TACC3: variants seen among roughly 807,000 people sequenced by gnomAD.
The protein encoded by TACC3 is transforming acidic coiled-coil containing protein 3.
In TACC3, 52 loss-of-function variants were observed where a neutral mutation model predicts 86.0. That is an observed-to-expected ratio of 0.60 (90% CI 0.48 to 0.76). The LOEUF (loss-of-function observed/expected upper bound fraction) is 0.76, where lower values mean the gene tolerates loss of function less well. TACC3 is among the 30% of genes least tolerant of loss of function. TACC3 has a pLI of 0.00. For missense variants in TACC3, 1,120 were observed against 1,070.4 expected, an observed-to-expected ratio of 1.05 and a Z score of -0.65; for synonymous variants, 512 against 430.0, an observed-to-expected ratio of 1.19 and a Z score of -2.36.
Position 1,737,267 on chromosome 4 carries a change from C to A in TACC3, c.1775C>A (p.Ser592Ter). 1 of 1,614,134 alleles carries A rather than the reference C, an allele frequency of 6.2e-7. No individual in the cohort carries two copies. Among genetic ancestry groups the A allele is most frequent in the Non-Finnish European group, 8.5e-7 (1 of 1,180,030 alleles). The change falls in exon 9 of 16, where the codon TCA (serine) becomes TAA (stop). Residue 592 changes from serine to a stop codon, truncating the protein, a stop_gained. Transcript: ENST00000313288. LOFTEE classifies it high-confidence loss of function. The part of the protein sequence containing the change: ...SSMHGANETP[S>*]GRPREAKLVE... ...ATGCACGGTGCAAATGAGACTCCCT[C>A]AGGACGTCCGCGGGAAGCCAAGCTT...
chr4:1,736,628 G>A (rs1718279255), intron 8 of TACC3, among the ~76,000 whole-genome samples: 1 of 152,046 alleles, frequency 6.6e-6, no homozygotes, highest in African/African-American at 2.4e-5. Flanking sequence ...CTAACACATG[G>A]CCGGGCGCAG....
At chr4:1,739,240 G>A (rs961059919) in intron 10 of TACC3, 6 of 155,990 alleles carry the variant, frequency 3.8e-5, no homozygotes, top group Non-Finnish European at 8.5e-5. Context: ...CCCGGGAGGC[G>A]GAGCTTGCAG....
chr4:1,728,893 CG>C lies in TACC3; in HGVS notation c.1385+109del, dbSNP rs139035253. Reference sequence around the variant, plus strand: ...GTGTCATCAGATACTCCTTTGAGGCCGGGTAGGTTCTGCCTGAGGAGGGGCC... The same window carrying C: ...GTGTCATCAGATACTCCTTTGAGGCCGGTAGGTTCTGCCTGAGGAGGGGCC... On this transcript the variant is annotated intron_variant, in intron 4 of 15. Coordinates refer to ENST00000313288, the MANE Select transcript of TACC3 (RefSeq NM_006342.3). 5.0e-3 allele frequency: 5,855 copies of C among 1,170,470 alleles called. 242 individuals are homozygous for C. The African/African-American group carries it at 0.081, about 16-fold the overall frequency. The allele number at this position is 1,170,470 out of a possible 1,614,324, so 72.5% of individuals were successfully genotyped here. A position where few individuals can be genotyped will look rare whatever the true frequency, so the allele number is the denominator to read the frequency against.
At position 1,723,468 on chromosome 4, in the gene TACC3, A is replaced by G; in HGVS notation, c.47A>G (p.Asn16Ser). ...GACAAAAATGTCAGCAATGAAAAAA[A>G]TACAGAAAATTGCGACTTCCTGTTT... ...LNDKNVSNEK[N>S]TENCDFLFSP... is the part of the protein sequence containing the mutation. The change falls in exon 2 of 16, where the codon AAT (asparagine) becomes AGT (serine). Residue 16 changes from asparagine (N) to serine (S), a missense_variant. Asn to Ser is a conservative substitution (Grantham distance 46, BLOSUM62 1). Coordinates refer to ENST00000313288, the MANE Select transcript of TACC3 (RefSeq NM_006342.3). 1 of 1,613,684 alleles carries G rather than the reference A, an allele frequency of 6.2e-7. No homozygotes were observed. Among genetic ancestry groups the G allele is most frequent in the South Asian group, 1.1e-5 (1 of 91,088 alleles).
chr4:1,735,343 C>G lies in TACC3; in HGVS notation c.1644+18C>G. ...CTTCCTCGGTAGGTACCAGGCAATT[C>G]CGCGAAGCCTCACCCACAGGGTGTC... On this transcript the variant is annotated intron_variant, in intron 7 of 15. Coordinates refer to ENST00000313288, the MANE Select transcript of TACC3 (RefSeq NM_006342.3). This position sits in a 1 kb window ranked among gnomAD's most constrained non-coding sequence, Gnocchi z 4.2. 6.2e-7 allele frequency: 1 copy of G among 1,613,860 alleles called. No homozygotes were observed. Among genetic ancestry groups the G allele is most frequent in the Non-Finnish European group, 8.5e-7 (1 of 1,179,996 alleles).
At position 1,723,464 on chromosome 4, in the gene TACC3, A is replaced by G. The variant is rs760309050; in HGVS notation, c.43A>G (p.Lys15Glu). ...VLNDKNVSNE[K>E]NTENCDFLFS... ...AAACGACAAAAATGTCAGCAATGAA[A>G]AAAATACAGAAAATTGCGACTTCCT... Residue 15 changes from lysine to glutamate, a missense_variant, in exon 2 of 16, where the codon AAA (lysine) becomes GAA (glutamate). By Grantham distance (56) the Lys-to-Glu change is moderately conservative (BLOSUM62 1). Coordinates refer to ENST00000313288, the MANE Select transcript of TACC3 (RefSeq NM_006342.3). 6.2e-7 allele frequency: 1 copy of G among 1,613,676 alleles called. No individual in the cohort carries two copies. The highest frequency in any genetic ancestry group is 8.5e-7 in the Non-Finnish European group (1 of 1,179,994).
Position 1,740,977 on chromosome 4 carries a change from C to T in TACC3, c.2214C>T (p.Gly738=), listed in dbSNP as rs757729871. The change falls in exon 13 of 16, where the codon GGC becomes GGT. Residue 738 remains glycine, a synonymous_variant. Coordinates refer to ENST00000313288, the MANE Select transcript of TACC3 (RefSeq NM_006342.3). The part of the protein sequence containing the change: ...RFEKQKEVIE[G]YRKNEESLKK... ...AGAAACAGAAAGAGGTGATCGAGGG[C>T]TACCGCAAGGTATGTCTCCGCCACC... The T allele has an allele frequency of 1.9e-6, 3 of 1,606,964 alleles. No homozygotes were observed. The highest frequency in any genetic ancestry group is 2.5e-6 in the Non-Finnish European group (3 of 1,178,124).
In TACC3 at chr4:1,735,101, AG is replaced by A. The variant is rs2108703139; in HGVS notation, c.1592-170del. Among the ~76,000 whole-genome samples, 1 of 152,360 alleles carries A rather than the reference AG, an allele frequency of 6.6e-6. No individual in the cohort carries two copies. Among genetic ancestry groups the A allele is most frequent in the Non-Finnish European group, 1.5e-5 (1 of 68,028 alleles). ...TGCCGCTCAGCACCCTGCGGTGCCC[AG>A]GAGGCGCCTGCCGCAGACAGCAGTC... On this transcript the variant is annotated intron_variant, in intron 6 of 15. Coordinates refer to ENST00000313288, the MANE Select transcript of TACC3 (RefSeq NM_006342.3). This position sits in a 1 kb window ranked among gnomAD's most constrained non-coding sequence, Gnocchi z 4.2.
intron 5 of TACC3, 65 bp from the exon 6 acceptor site, chr4:1,731,107 G>A: frequency 1.2e-6 from 2 of 1,602,492 alleles, no homozygotes; most frequent in Admixed American, 3.3e-5. Flanking sequence ...AGGTTGTGGG[G>A]AGGCAAAGCC....
At chr4:1,736,993 A>G (rs1479810270) in intron 8 of TACC3, among the ~76,000 whole-genome samples, 1 of 152,068 alleles carries the variant, frequency 6.6e-6, no homozygotes, top group Non-Finnish European at 1.5e-5. Flanking sequence ...GCAGTGGGTA[A>G]TGAAGCGTCA....
In TACC3 at chr4:1,731,312, T is replaced by A; in HGVS notation, c.1591+11T>A. 1 of 1,612,724 alleles carries A rather than the reference T, an allele frequency of 6.2e-7. No homozygotes were observed. On this transcript the variant is annotated intron_variant, in intron 6 of 15. Transcript: ENST00000313288. Reference sequence around the variant, plus strand: ...GAGACCCCGCTGAGGGTACGTTGCCTGGCACAGACGTCACACACAGTCTGC... The same window carrying A: ...GAGACCCCGCTGAGGGTACGTTGCCAGGCACAGACGTCACACACAGTCTGC...
intron 6 of TACC3, among the ~76,000 whole-genome samples, chr4:1,731,612 G>A (rs190016798): frequency 2.0e-5 from 3 of 152,226 alleles, no homozygotes; most frequent in Admixed American, 6.5e-5. Context: ...CTGGATACTC[G>A]ATCATCAGAA....
chr4:1,745,020 C>G lies in TACC3; in HGVS notation c.*7C>G. The G allele has an allele frequency of 6.2e-7, 1 of 1,602,008 alleles. No homozygotes were observed. The highest frequency in any genetic ancestry group is 8.5e-7 in the Non-Finnish European group (1 of 1,174,882). ...CAAGATGGAGAAGATCTGACCTCCA[C>G]GGAGCCGCTGTCCCCGCCCCCCTGC... is the stretch of plus-strand genomic sequence containing the variant. On this transcript the variant is annotated 3_prime_UTR_variant, in exon 16 of 16. Transcript: ENST00000313288.
At position 1,745,056 on chromosome 4, in the gene TACC3, C is replaced by T. The variant is rs1454229704; in HGVS notation, c.*43C>T. On this transcript the variant is annotated 3_prime_UTR_variant, in exon 16 of 16. Transcript: ENST00000313288. ...TCCCCGCCCCCCTGCTCCCGTCTGT[C>T]TGTCCTGTCTGATTCTCTTAGGTGT... The T allele has an allele frequency of 6.4e-7, 1 of 1,560,484 alleles. No homozygotes were observed. The highest frequency in any genetic ancestry group is 1.2e-5 in the South Asian group (1 of 85,138).
At chr4:1,732,963 G>A (rs983506143) in intron 6 of TACC3, among the ~76,000 whole-genome samples, 2 of 152,180 alleles carry the variant, frequency 1.3e-5, no homozygotes, top group African/African-American at 4.8e-5. Context: ...GCTAGGAGTG[G>A]AGTCGCTGGT....
In TACC3 at chr4:1,739,677, G is replaced by A. The variant is rs1437671065; in HGVS notation, c.1942-25G>A. 2.6e-6 allele frequency: 4 copies of A among 1,562,384 alleles called. No individual in the cohort carries two copies. In the South Asian group the frequency reaches 3.5e-5, roughly 14 times the overall value. ...GAGGGTCAGTCTGGCCCGCCTGCCTGCTGACTTGGGTGTGGCCTGAGCAGG... is the reference window on the plus strand; with the variant it reads ...GAGGGTCAGTCTGGCCCGCCTGCCTACTGACTTGGGTGTGGCCTGAGCAGG... On this transcript the variant is annotated intron_variant, in intron 10 of 15. Transcript: ENST00000313288.
rs958046998 is a variant in TACC3 at position 1,744,738 on chromosome 4, G to C, written c.2357G>C (p.Arg786Pro). ...QLANEEIAQV[R>P]SKAQAEALAL... ...GCAAACGAGGAGATCGCCCAGGTCCGGAGCAAGGCCCAGGCGGAAGCGTTG... is the reference window on the plus strand; with the variant it reads ...GCAAACGAGGAGATCGCCCAGGTCCCGAGCAAGGCCCAGGCGGAAGCGTTG... Residue 786 changes from arginine (R) to proline (P), a missense_variant, in exon 15 of 16, where the codon CGG becomes CCG. Arg to Pro is a moderately radical substitution (Grantham distance 103). Coordinates refer to ENST00000313288, the MANE Select transcript of TACC3 (RefSeq NM_006342.3). 3.7e-6 allele frequency: 6 copies of C among 1,612,480 alleles called. No individual in the cohort carries two copies. The highest frequency in any genetic ancestry group is 5.1e-6 in the Non-Finnish European group (6 of 1,179,982).
Position 1,728,503 on chromosome 4 carries a change from G to A in TACC3, c.1101G>A (p.Leu367=), listed in dbSNP as rs140424992. 2.4e-5 allele frequency: 38 copies of A among 1,613,908 alleles called. No homozygotes were observed. The African/African-American group carries it at 3.6e-4, about 15-fold the overall frequency. Residue 367 remains leucine (L), a synonymous_variant, in exon 4 of 16, where the codon TTG becomes TTA. Transcript: ENST00000313288. ...AGAGGTCCGGCCTCAAGCCTCCCTT[G>A]AGGAAAGCAGCAGTGAGGCAGCAAA... is the stretch of plus-strand genomic sequence containing the variant. ...LGERSGLKPP[L]RKAAVRQQKA...
chr4:1,741,250 A>G (rs1214802277), intron 13 of TACC3: 2 of 335,056 alleles, frequency 6.0e-6, no homozygotes, highest in African/African-American at 2.1e-5. Context: ...CGACTCGGCT[A>G]TGATCAGGCA....
Sources: gnomAD v4.1 joint callset for allele counts (sites outside exome capture counted in the v4.1 genomes callset) on GRCh38, gnomAD v4.1.1 for gene constraint, Gnocchi (gnomAD v3.1) non-coding constraint, MANE v1.5 for transcripts, NCBI Gene and HGNC (gene_info 2026-07-23, HGNC 2026-07-21) for gene names.